GLOD5: variants seen among roughly 807,000 people sequenced by gnomAD.
GLOD5 encodes glyoxalase domain containing 5.
In GLOD5, 7 loss-of-function variants were observed where a neutral mutation model predicts 9.9. That is an observed-to-expected ratio of 0.71 (90% confidence interval 0.40 to 1.33). The LOEUF (loss-of-function observed/expected upper bound fraction) is 1.33, where lower values mean the gene tolerates loss of function less well. Ranked by LOEUF, GLOD5 falls within the 40% of genes most tolerant of loss-of-function variation. The pLI is 0.01. For synonymous variants in GLOD5, 49 were observed against 47.3 expected, an observed-to-expected ratio of 1.04 and a Z score of -0.14; for missense variants, 146 against 128.4, an observed-to-expected ratio of 1.14 and a Z score of -0.66.
chrX:48,763,919 T>A (rs1247945515), intron 1 of GLOD5, among the ~76,000 whole-genome samples: 1 of 111,249 alleles, frequency 9.0e-6, no homozygotes, highest in Admixed American at 9.6e-5. Flanking sequence ...TGAAATCAAT[T>A]GTTTAAAATG....
At chrX:48,765,131 C>G (rs1170790252) in intron 1 of GLOD5, among the ~76,000 whole-genome samples, 1 of 110,403 alleles carries the variant, frequency 9.1e-6, no homozygotes, top group Non-Finnish European at 1.9e-5. Flanking sequence ...AAGGAGGGGG[C>G]TGGGTAAAAT....
At chrX:48,762,001 C>G (rs782566470) in intron 1 of GLOD5, 148 bp downstream of exon 1, 2 of 484,536 alleles carry the variant, frequency 4.1e-6, no homozygotes, top group South Asian at 6.7e-5. Context: ...AGCAGAGGCC[C>G]ATGGAAAGGC....
At position 48,773,386 on chromosome X, in the gene GLOD5, G is replaced by A. The variant is rs373861716; in HGVS notation, c.434G>A (p.Arg145Gln). ...GGGCCTATCATGTCCATCTACTTCC[G>A]AGACCCCGACAGAAATCTGATTGAG... The part of the protein sequence containing the change: ...AKGPIMSIYF[R>Q]DPDRNLIEVS... Residue 145 changes from arginine (R) to glutamine (Q), a missense_variant, in exon 4 of 4, where the codon CGA (arginine) becomes CAA (glutamine). By Grantham distance (43) the Arg-to-Gln change is conservative. Transcript: ENST00000303227. 4.5e-5 allele frequency: 54 copies of A among 1,207,754 alleles called. No homozygotes were observed. Among genetic ancestry groups the A allele is most frequent in the Non-Finnish European group, 5.6e-5 (50 of 894,155 alleles).
chrX:48,763,823 G>A (rs955708929), intron 1 of GLOD5, among the ~76,000 whole-genome samples: 1 of 112,379 alleles, frequency 8.9e-6, no homozygotes, highest in Non-Finnish European at 1.9e-5. Flanking sequence ...TGTATCCACC[G>A]GGAGAGCAAA....
At position 48,770,963 on chromosome X, in the gene GLOD5, T is replaced by C; in HGVS notation, c.238T>C (p.Phe80Leu). Residue 80 changes from phenylalanine (F) to leucine (L), a missense_variant, in exon 3 of 4, where the codon TTT (phenylalanine) becomes CTT (leucine). Transcript: ENST00000303227. ...AGCACTGTGTTTTGGAGACCAGAAA[T>C]TTAACCTCCACGAGGTGGGAAAGGA... ...RKALCFGDQK[F>L]NLHEVGKEFE... 8.3e-7 allele frequency: 1 copy of C among 1,200,376 alleles called. No homozygotes were observed. The highest frequency in any genetic ancestry group is 1.1e-6 in the Non-Finnish European group (1 of 889,779).
At chrX:48,766,140 G>A (rs1557016673) in intron 2 of GLOD5, 168 bp downstream of exon 2, 5 of 448,663 alleles carry the variant, frequency 1.1e-5, no homozygotes, top group African/African-American at 4.9e-5. Context: ...GAGAGAGAAT[G>A]GAGAAAAAAG....
intron 3 of GLOD5, among the ~76,000 whole-genome samples, chrX:48,771,693 T>C (rs1476933355): frequency 8.9e-6 from 1 of 111,933 alleles, no homozygotes; most frequent in African/African-American, 3.2e-5. Flanking sequence ...AAAGGAAAAG[T>C]AACTGTAAAA....
rs782057385 is a variant in GLOD5, at chrX:48,761,807, C to T, written c.17C>T (p.Pro6Leu). The T allele has an allele frequency of 7.6e-5, 89 of 1,164,616 alleles. No homozygotes were observed. Among genetic ancestry groups the T allele is most frequent in the Non-Finnish European group, 9.6e-5 (84 of 871,836 alleles). MLRHL[P>L]SRLPVKMWGR... is the part of the protein sequence containing the mutation. ...TACCCTGCCATGCTGCGCCATCTGC[C>T]CTCCAGGCTGCCAGTCAAGATGTGG... Residue 6 changes from proline (P) to leucine (L), a missense_variant, in exon 1 of 4, where the codon CCC becomes CTC. Transcript: ENST00000303227.
intron 2 of GLOD5, among the ~76,000 whole-genome samples, chrX:48,766,483 G>A (rs1396100065): frequency 9.2e-6 from 1 of 108,967 alleles, no homozygotes; most frequent in Non-Finnish European, 2.0e-5. Flanking sequence ...AGGTGCGGTG[G>A]CTCATGCCTG....
chrX:48,763,781 T>C (rs2062602355), intron 1 of GLOD5, among the ~76,000 whole-genome samples: 1 of 112,733 alleles, frequency 8.9e-6, no homozygotes, highest in African/African-American at 3.2e-5. Context: ...TCATTTTCTC[T>C]TTCTGCAGTT....
intron 3 of GLOD5, among the ~76,000 whole-genome samples, chrX:48,771,964 C>T (rs781859881): frequency 3.6e-5 from 4 of 111,532 alleles, no homozygotes; most frequent in Non-Finnish European, 7.5e-5. Context: ...TGGTTGGGCA[C>T]GGTCACTCAC....
chrX:48,764,458 C>T lies in GLOD5; in HGVS notation c.64-1377C>T, dbSNP rs141754643. 3.1e-3 allele frequency among the ~76,000 whole-genome samples: 339 copies of T among 110,732 alleles called. 3 individuals are homozygous for T. Among genetic ancestry groups the T allele is most frequent in the African/African-American group, 0.01 (315 of 30,514 alleles). On this transcript the variant is annotated intron_variant, in intron 1 of 3. Transcript: ENST00000303227. ...TTTTAAAACTCTCACAATAATCCTA[C>T]ATGTATAAAATCATGCTCATTTTAT...
chrX:48,769,046 T>C (rs1409609447), intron 2 of GLOD5, among the ~76,000 whole-genome samples: 2 of 96,229 alleles, frequency 2.1e-5, no homozygotes, highest in Non-Finnish European at 4.2e-5. Context: ...AAAAAAAAAG[T>C]GAAATAAAGT....
intron 1 of GLOD5, among the ~76,000 whole-genome samples, chrX:48,765,230 A>G (rs782779660): frequency 9.1e-6 from 1 of 110,475 alleles, no homozygotes; most frequent in Admixed American, 9.8e-5. Context: ...AGGGGAGGGC[A>G]TTGTCTTGGT....
At chrX:48,767,978 T>C (rs1363224652) in intron 2 of GLOD5, among the ~76,000 whole-genome samples, 1 of 110,707 alleles carries the variant, frequency 9.0e-6, no homozygotes, top group Non-Finnish European at 1.9e-5. Flanking sequence ...AGAAGAAAAA[T>C]TTTTTTAGAC....
At chrX:48,761,892 T>C in intron 1 of GLOD5, 39 bp downstream of exon 1, 1 of 1,053,175 alleles carries the variant, frequency 9.5e-7, no homozygotes, top group Middle Eastern at 2.5e-4. Context: ...GGCAAGGGTG[T>C]TGGCACTGAA....
At chrX:48,769,821 TA>T (rs1303116901) in intron 2 of GLOD5, among the ~76,000 whole-genome samples, 1 of 100,263 alleles carries the variant, frequency 1.0e-5, no homozygotes, top group Non-Finnish European at 2.0e-5. Context: ...CTACAAAAAA[TA>T]AAAAAAAATT....
At chrX:48,771,722 A>G (rs1247964949) in intron 3 of GLOD5, among the ~76,000 whole-genome samples, 1 of 112,282 alleles carries the variant, frequency 8.9e-6, no homozygotes, top group East Asian at 2.8e-4. Context: ...CTATGAAAGC[A>G]TAACAATGTC....
chrX:48,763,726 T>G (rs1012734893), intron 1 of GLOD5, among the ~76,000 whole-genome samples: 1 of 111,716 alleles, frequency 9.0e-6, no homozygotes, highest in African/African-American at 3.2e-5. Context: ...TTAATAAAAT[T>G]TATTTCAACA....
Sources: gnomAD v4.1 joint callset for allele counts (sites outside exome capture counted in the v4.1 genomes callset) on GRCh38, gnomAD v4.1.1 for gene constraint, MANE v1.5 for transcripts, NCBI Gene and HGNC (gene_info 2026-07-23, HGNC 2026-07-21) for gene names.